Variants in MTMR8 observed in about 807,000 individuals in gnomAD.
MTMR8 encodes myotubularin related protein 8, also known as phosphatidylinositol-3,5-bisphosphate 3-phosphatase MTMR8.
MTMR8 carries 65 observed loss-of-function variants against 39.3 expected under a neutral mutation model. The observed-to-expected ratio is 1.65, with a 90% CI of 1.35 to 2.03. The LOEUF (loss-of-function observed/expected upper bound fraction) is 2.03, where lower values mean the gene tolerates loss of function less well. Ranked by LOEUF, MTMR8 falls within the 30% of genes most tolerant of loss-of-function variation. The pLI is 0.00. For missense variants in MTMR8, 777 were observed against 538.9 expected, an observed-to-expected ratio of 1.44 and a Z score of -4.37; for synonymous variants, 245 against 185.2, an observed-to-expected ratio of 1.32 and a Z score of -2.62.
intron 6 of MTMR8, 88 bp downstream of exon 6, chrX:64,348,572 C>A (rs1244200043): frequency 9.2e-7 from 1 of 1,092,038 alleles, no homozygotes; most frequent in African/African-American, 1.8e-5. Context: ...ACAAACCTAA[C>A]TTTCCCAATA....
chrX:64,294,899 T>C (rs1206288397), intron 12 of MTMR8, among the ~76,000 whole-genome samples: 1 of 111,561 alleles, frequency 9.0e-6, no homozygotes, highest in Non-Finnish European at 1.9e-5. Context: ...AAATATCGCC[T>C]ATAGCAGATG....
chrX:64,312,811 T>G (rs778711930), intron 12 of MTMR8, among the ~76,000 whole-genome samples: 1 of 112,451 alleles, frequency 8.9e-6, no homozygotes, highest in African/African-American at 3.2e-5. Context: ...TTCATCTGCA[T>G]GCAGATCTCC....
intron 4 of MTMR8, among the ~76,000 whole-genome samples, chrX:64,351,164 G>T (rs1292822996): frequency 9.0e-6 from 1 of 110,843 alleles, no homozygotes; most frequent in East Asian, 2.9e-4. Context: ...ACCAACAAGA[G>T]TATTTCAGAC....
intron 12 of MTMR8, 91 bp downstream of exon 12, chrX:64,328,681 G>A (rs980809579): frequency 1.1e-6 from 1 of 917,418 alleles, no homozygotes; most frequent in Non-Finnish European, 1.5e-6. Flanking sequence ...AGCCAGGCTT[G>A]TACAGATGGT....
chrX:64,351,664 G>C (rs1381902306), intron 4 of MTMR8, among the ~76,000 whole-genome samples: 1 of 111,621 alleles, frequency 9.0e-6, no homozygotes, highest in Non-Finnish European at 1.9e-5. Context: ...CAACAGAGCA[G>C]CCTTCAGTTT....
At chrX:64,296,927 T>C (rs1179894906) in intron 12 of MTMR8, among the ~76,000 whole-genome samples, 2 of 103,700 alleles carry the variant, frequency 1.9e-5, no homozygotes, top group East Asian at 6.1e-4. Context: ...TTTTTATGGC[T>C]GCATAATATT....
intron 12 of MTMR8, among the ~76,000 whole-genome samples, chrX:64,275,736 C>G (rs376942360): frequency 4.0e-4 from 42 of 105,892 alleles, no homozygotes; most frequent in East Asian, 2.9e-3. Flanking sequence ...TTTAGCTAGA[C>G]CAAGAAATAA....
At chrX:64,299,438 T>C (rs1183979785) in intron 12 of MTMR8, among the ~76,000 whole-genome samples, 1 of 108,385 alleles carries the variant, frequency 9.2e-6, no homozygotes, top group East Asian at 2.9e-4. Flanking sequence ...CCCTTTATCA[T>C]TTTTTATTGT....
intron 12 of MTMR8, among the ~76,000 whole-genome samples, chrX:64,277,772 G>T (rs1931911744): frequency 9.0e-6 from 1 of 110,986 alleles, no homozygotes; most frequent in African/African-American, 3.3e-5. Flanking sequence ...TTGAATGTCG[G>T]TCTGTCTTGC....
intron 1 of MTMR8, chrX:64,360,389 CCAA>C: frequency 4.6e-6 from 1 of 218,574 alleles, no homozygotes; most frequent in Admixed American, 5.7e-5. Flanking sequence ...GTCAAGCAGA[CCAA>C]AAAAAAAAAA....
chrX:64,336,662 T>C (rs750939923), intron 9 of MTMR8, among the ~76,000 whole-genome samples: 1 of 110,748 alleles, frequency 9.0e-6, no homozygotes, highest in Non-Finnish European at 1.9e-5. Flanking sequence ...CCAAGCATGG[T>C]GGTGCACATC....
At chrX:64,375,829 C>A (rs946117003) in intron 1 of MTMR8, among the ~76,000 whole-genome samples, 1 of 111,787 alleles carries the variant, frequency 8.9e-6, no homozygotes, top group East Asian at 2.8e-4. Context: ...GGCTCTGTGT[C>A]CCCACCCAAA....
At chrX:64,363,861 T>A (rs1262354085) in intron 1 of MTMR8, among the ~76,000 whole-genome samples, 1 of 111,668 alleles carries the variant, frequency 9.0e-6, no homozygotes, top group Admixed American at 9.5e-5. Flanking sequence ...GGACTGTACC[T>A]GGAAAATCGG....
At position 64,359,444 on chromosome X, in the gene MTMR8, G is replaced by A. The variant is rs746986516; in HGVS notation, c.108C>T (p.Ile36=). ...GILYLTATHL[I]YVEASGAARK... ...GGGCTGCACCTGAAGCCTCCACATA[G>A]ATCAGGTGGGTTGCAGTAAGATAAA... The change falls in exon 2 of 14, where the codon ATC becomes ATT. Residue 36 remains isoleucine, a synonymous_variant. Transcript: ENST00000374852. The A allele has an allele frequency of 5.8e-6, 7 of 1,207,282 alleles. No homozygotes were observed. The highest frequency in any genetic ancestry group is 6.7e-6 in the Non-Finnish European group (6 of 892,558).
At chrX:64,280,852 T>C (rs1931992490) in intron 12 of MTMR8, among the ~76,000 whole-genome samples, 1 of 111,638 alleles carries the variant, frequency 9.0e-6, no homozygotes, top group Non-Finnish European at 1.9e-5. Flanking sequence ...CAGCAAAGTC[T>C]CAGGATACAA....
At chrX:64,310,482 C>T (rs938603701) in intron 12 of MTMR8, among the ~76,000 whole-genome samples, 2 of 111,718 alleles carry the variant, frequency 1.8e-5, no homozygotes, top group Admixed American at 9.5e-5. Flanking sequence ...GACCTCCTCC[C>T]ATAAATCATG....
At chrX:64,369,685 G>T (rs759231005) in intron 1 of MTMR8, among the ~76,000 whole-genome samples, 2 of 110,994 alleles carry the variant, frequency 1.8e-5, no homozygotes, top group Admixed American at 1.9e-4. Flanking sequence ...GATGGGTGCA[G>T]CAAACCAACA....
chrX:64,384,728 G>A (rs1489009552), intron 1 of MTMR8, among the ~76,000 whole-genome samples: 3 of 112,516 alleles, frequency 2.7e-5, no homozygotes, highest in Non-Finnish European at 5.6e-5. Flanking sequence ...GGATGCCCAG[G>A]GCTGCAGGGC....
intron 1 of MTMR8, among the ~76,000 whole-genome samples, chrX:64,391,528 G>C (rs777481206): frequency 6.3e-5 from 7 of 111,549 alleles, no homozygotes; most frequent in Non-Finnish European, 1.3e-4. Flanking sequence ...CCTTGTGCTT[G>C]GCATCTCATC....
Sources: allele counts gnomAD v4.1 joint callset (sites outside exome capture counted in the v4.1 genomes callset), GRCh38; gene constraint gnomAD v4.1.1; transcripts MANE v1.5; gene names NCBI Gene and HGNC (gene_info 2026-07-23, HGNC 2026-07-21).